Variants in KIAA1958 observed in about 807,000 individuals in gnomAD.
The protein encoded by KIAA1958 is uncharacterized protein KIAA1958.
In KIAA1958, 14 loss-of-function variants were observed where a neutral mutation model predicts 47.2. The ratio of observed to expected loss-of-function variants is 0.30; its 90% CI spans 0.20 to 0.46. KIAA1958 has a LOEUF of 0.46. Ranked by LOEUF, KIAA1958 falls within the 20% of genes least tolerant of loss-of-function variation. KIAA1958 has a pLI of 1.00. For synonymous variants in KIAA1958, 354 were observed against 353.3 expected (o/e 1.00, Z -0.02); for missense variants, 803 against 909.2 (o/e 0.88, Z 1.50).
At chr9:112,655,056 G>T (rs1837126605) in intron 3 of KIAA1958, among the ~76,000 whole-genome samples, 3 of 152,108 alleles carry the variant, frequency 2.0e-5, no homozygotes, top group Admixed American at 2.0e-4. Context: ...AGAAAGATTT[G>T]AATATTTTCA....
chr9:112,579,690 TGTA>T (rs1406447387), intron 2 of KIAA1958, among the ~76,000 whole-genome samples: 1 of 152,200 alleles, frequency 6.6e-6, no homozygotes, highest in Non-Finnish European at 1.5e-5. Flanking sequence ...CAGAAAGAAA[TGTA>T]GTCTAAGTCA....
At chr9:112,658,161 C>G (rs1191168981) in intron 3 of KIAA1958, among the ~76,000 whole-genome samples, 1 of 152,180 alleles carries the variant, frequency 6.6e-6, no homozygotes, top group Non-Finnish European at 1.5e-5. Context: ...CCAGCTTTTT[C>G]ATATCTTTTA....
At chr9:112,538,351 C>T (rs575873732) in intron 1 of KIAA1958, among the ~76,000 whole-genome samples, 5 of 147,316 alleles carry the variant, frequency 3.4e-5, no homozygotes, top group Admixed American at 2.0e-4. Context: ...GACCCTGTCT[C>T]AAAAAAAAGA....
At chr9:112,488,738 T>C (rs1208911836) in intron 1 of KIAA1958, among the ~76,000 whole-genome samples, 1 of 152,190 alleles carries the variant, frequency 6.6e-6, no homozygotes, top group Non-Finnish European at 1.5e-5. Context: ...TCATTAAGGT[T>C]TGAAAATTAG....
At chr9:112,546,698 G>A (rs1057470085) in intron 1 of KIAA1958, among the ~76,000 whole-genome samples, 1 of 152,140 alleles carries the variant, frequency 6.6e-6, no homozygotes, top group African/African-American at 2.4e-5. Flanking sequence ...TATGATTGTT[G>A]TATATTACAT....
At chr9:112,626,071 T>C (rs578207770) in intron 2 of KIAA1958, among the ~76,000 whole-genome samples, 8 of 152,288 alleles carry the variant, frequency 5.3e-5, no homozygotes, top group African/African-American at 1.4e-4. Flanking sequence ...TTGGGACATA[T>C]CCTCAGTCAA....
intron 1 of KIAA1958, among the ~76,000 whole-genome samples, chr9:112,512,968 G>T (rs1834346498): frequency 6.6e-6 from 1 of 151,724 alleles, no homozygotes; most frequent in South Asian, 2.1e-4. Flanking sequence ...CTCCTGAGTA[G>T]CTGGGATTAC....
intron 1 of KIAA1958, among the ~76,000 whole-genome samples, chr9:112,490,542 A>G (rs1019360005): frequency 3.9e-5 from 6 of 152,238 alleles, no homozygotes; most frequent in African/African-American, 1.4e-4. Flanking sequence ...CATAGATTCC[A>G]TAATGAGGAC....
intron 3 of KIAA1958, 67 bp downstream of exon 3, chr9:112,645,889 C>T (rs1836966708): frequency 1.4e-6 from 2 of 1,437,454 alleles, no homozygotes; most frequent in Non-Finnish European, 1.9e-6. Context: ...AGGCACTGTG[C>T]TAAGCATTGT....
chr9:112,593,055 G>T (rs576509801), intron 2 of KIAA1958, among the ~76,000 whole-genome samples: 5 of 152,308 alleles, frequency 3.3e-5, no homozygotes, highest in Admixed American at 1.3e-4. Context: ...TGAAGAGTAG[G>T]AATTGAAAGA....
intron 1 of KIAA1958, among the ~76,000 whole-genome samples, chr9:112,572,552 C>T (rs1279579926): frequency 2.0e-5 from 3 of 152,140 alleles, no homozygotes; most frequent in African/African-American, 7.2e-5. Context: ...TGAGATGATA[C>T]AGGCATGGGT....
At chr9:112,629,297 A>T (rs1836669666) in intron 2 of KIAA1958, among the ~76,000 whole-genome samples, 1 of 152,184 alleles carries the variant, frequency 6.6e-6, no homozygotes, top group Non-Finnish European at 1.5e-5. Context: ...GGATGCATTT[A>T]CTTTTCCCCA....
At chr9:112,507,335 T>C (rs1458332845) in intron 1 of KIAA1958, among the ~76,000 whole-genome samples, 1 of 152,104 alleles carries the variant, frequency 6.6e-6, no homozygotes, top group Admixed American at 6.5e-5. Context: ...ACTGAGTATT[T>C]TAGGTTTTGT....
intron 1 of KIAA1958, among the ~76,000 whole-genome samples, chr9:112,566,743 G>C (rs1324501553): frequency 1.3e-5 from 2 of 151,942 alleles, no homozygotes; most frequent in African/African-American, 4.8e-5. Context: ...TTATTTTTAT[G>C]ATGTCAAATC....
intron 3 of KIAA1958, among the ~76,000 whole-genome samples, chr9:112,657,600 CTTAA>C (rs1420082094): frequency 2.0e-5 from 3 of 151,848 alleles, no homozygotes; most frequent in Non-Finnish European, 4.4e-5. Context: ...TTATTTTTGC[CTTAA>C]TTAAGGGCTA....
intron 1 of KIAA1958, among the ~76,000 whole-genome samples, chr9:112,566,053 A>G (rs1413731575): frequency 6.6e-6 from 1 of 152,000 alleles, no homozygotes; most frequent in Non-Finnish European, 1.5e-5. Context: ...ACAGGCGCCC[A>G]CAACCACGCC....
At chr9:112,611,621 T>C (rs1425298991) in intron 2 of KIAA1958, among the ~76,000 whole-genome samples, 1 of 152,062 alleles carries the variant, frequency 6.6e-6, no homozygotes, top group South Asian at 2.1e-4. Context: ...AATAATCTAT[T>C]CTTATAGAGG....
chr9:112,618,002 G>C lies in KIAA1958; in HGVS notation c.1172-27648G>C. 1 of 1,550,560 alleles carries C rather than the reference G, an allele frequency of 6.4e-7. No individual in the cohort carries two copies. Among genetic ancestry groups the C allele is most frequent in the Non-Finnish European group, 8.7e-7 (1 of 1,146,984 alleles). ...TCCTTCTGAAACAAGAGAGATTTATGTCATCCCTTGCAAGGAGTTGGATGC... is the reference window on the plus strand; with the variant it reads ...TCCTTCTGAAACAAGAGAGATTTATCTCATCCCTTGCAAGGAGTTGGATGC... On this transcript the variant is annotated intron_variant, in intron 2 of 3. Coordinates refer to ENST00000337530, the MANE Select transcript of KIAA1958 (RefSeq NM_133465.4). This position sits in a 1 kb window ranked among gnomAD's most constrained non-coding sequence, Gnocchi z 7.1.
chr9:112,511,369 G>A (rs1834322774), intron 1 of KIAA1958, among the ~76,000 whole-genome samples: 1 of 152,180 alleles, frequency 6.6e-6, no homozygotes, highest in Non-Finnish European at 1.5e-5. Flanking sequence ...TTAGGGAGAT[G>A]AGTATAATGC....
Sources: allele counts gnomAD v4.1 joint callset (sites outside exome capture counted in the v4.1 genomes callset), GRCh38; gene constraint gnomAD v4.1.1; non-coding constraint Gnocchi (gnomAD v3.1); transcripts MANE v1.5; gene names NCBI Gene and HGNC (gene_info 2026-07-23, HGNC 2026-07-21).